The following RGL2 variants were observed in gnomAD, a reference collection of about 807,000 sequenced individuals.
The protein encoded by RGL2 is ral guanine nucleotide dissociation stimulator-like 2.
In RGL2, 40 loss-of-function variants were observed where a neutral mutation model predicts 84.6. That is an observed-to-expected ratio of 0.47 (90% CI 0.37 to 0.62). The LOEUF is 0.62. Ranked by LOEUF, RGL2 falls within the 20% of genes least tolerant of loss-of-function variation. The probability of loss-of-function intolerance (pLI) is 0.00; values close to 1 mark genes in which losing one functional copy is unlikely to be tolerated. For synonymous variants in RGL2, 369 were observed against 417.3 expected (o/e 0.88, Z 1.41); for missense variants, 865 against 1,019.7 (o/e 0.85, Z 2.07).
rs1240183784 is a variant in RGL2, at chr6:33,296,787, CAG to C, written c.241-13_241-12del. On this transcript the variant is annotated splice_polypyrimidine_tract_variant and intron_variant, in intron 3 of 17. Transcript: ENST00000497454. This position sits in a 1 kb window ranked among gnomAD's most constrained non-coding sequence, Gnocchi z 5.0. ...GGGAGGCATAGGGACCTGGAGAACA[CAG>C]AGAGATGATCGCTAACCCTTTCTCC... is the stretch of plus-strand genomic sequence containing the variant. The C allele has an allele frequency of 6.2e-7, 1 of 1,613,966 alleles. No individual in the cohort carries two copies. The highest frequency in any genetic ancestry group is 1.1e-5 in the South Asian group (1 of 91,086).
At position 33,298,509 on chromosome 6, in the gene RGL2, TG is replaced by T. The variant is rs1412024100; in HGVS notation, c.101del (p.Pro34GlnfsTer81). On this transcript the variant is annotated frameshift_variant, in exon 2 of 18. Transcript: ENST00000497454. LOFTEE classifies it high-confidence loss of function. The surrounding 1 kb of genome is among the most constrained non-coding windows in gnomAD (Gnocchi z 4.8). ...RSRDPEEGGGPGGLVVGGGQE... is the reference protein window; with the variant it reads ...RSRDPEEGGGXGGLVVGGGQE... ...GCCCCCCGCCCACGACCAGGCCACCTGGGCCCCCACCCTCTTCGGGGTCCCG... is the reference window on the plus strand; with the variant it reads ...GCCCCCCGCCCACGACCAGGCCACCTGGCCCCCACCCTCTTCGGGGTCCCG... 6.5e-7 allele frequency: 1 copy of T among 1,527,316 alleles called. No individual in the cohort carries two copies. Among genetic ancestry groups the T allele is most frequent in the Non-Finnish European group, 8.8e-7 (1 of 1,134,442 alleles). The allele number at this position is 1,527,316 out of a possible 1,614,324, so 94.6% of individuals were successfully genotyped here.
rs1173972560 is a variant in RGL2 at position 33,298,485 on chromosome 6, C to T, written c.126G>A (p.Gly42=). The change falls in exon 2 of 18, where the codon GGG becomes GGA. Residue 42 remains glycine (G), a synonymous_variant. Transcript: ENST00000497454. This position sits in a 1 kb window ranked among gnomAD's most constrained non-coding sequence, Gnocchi z 4.8. ...GGPGGLVVGG[G]QEEEEEEEEE... ...CTTCTTCCTCCTCCTCTTCCTCCTG[C>T]CCCCCGCCCACGACCAGGCCACCTG... 1 of 1,516,752 alleles carries T rather than the reference C, an allele frequency of 6.6e-7. No homozygotes were observed. Among genetic ancestry groups the T allele is most frequent in the South Asian group, 1.2e-5 (1 of 82,818 alleles). 94.0% of individuals were successfully genotyped at this position (1,516,752 alleles called of 1,614,324 possible).
At position 33,298,466 on chromosome 6, in the gene RGL2, C is replaced by T; in HGVS notation, c.145G>A (p.Glu49Lys). ...VGGGQEEEEE[E>K]EEEAPVSVWD... ...CACCCGCGTCTCACCTCTTCTTCTT[C>T]CTCCTCCTCTTCCTCCTGCCCCCCG... Residue 49 changes from glutamate (E) to lysine (K), a missense_variant, in exon 2 of 18, where the codon GAA becomes AAA. Physicochemically the swap from Glu to Lys is moderately conservative, Grantham distance 56 (BLOSUM62 1). Transcript: ENST00000497454. The surrounding 1 kb of genome is among the most constrained non-coding windows in gnomAD (Gnocchi z 4.8). 1.3e-6 allele frequency: 2 copies of T among 1,497,104 alleles called. No homozygotes were observed. The highest frequency in any genetic ancestry group is 4.0e-5 in the Admixed American group (2 of 49,626). 92.7% of individuals were successfully genotyped at this position (1,497,104 alleles called of 1,614,324 possible). A position where few individuals can be genotyped will look rare whatever the true frequency, so the allele number is the denominator to read the frequency against.
rs1044342247 is a variant in RGL2, at chr6:33,298,766, T to C, written c.-42+104A>G. The C allele has an allele frequency of 5.4e-5, 26 of 477,670 alleles. No homozygotes were observed. Among genetic ancestry groups the C allele is most frequent in the Non-Finnish European group, 8.0e-5 (22 of 275,764 alleles). The allele number at this position is 477,670 out of a possible 1,614,324, so 29.6% of individuals were successfully genotyped here. On this transcript the variant is annotated intron_variant, in intron 1 of 17. Coordinates refer to ENST00000497454, the MANE Select transcript of RGL2 (RefSeq NM_004761.5). The surrounding 1 kb of genome is among the most constrained non-coding windows in gnomAD (Gnocchi z 4.8). ...ACCGGAAGGGAGTTCTGCAGGAAGG[T>C]TGGGGGAGGGGGCAACAGAAGGGTG...
Position 33,296,084 on chromosome 6 carries a change from C to A in RGL2, c.712G>T (p.Asp238Tyr), listed in dbSNP as rs1345469691. The A allele has an allele frequency of 6.2e-7, 1 of 1,614,010 alleles. No homozygotes were observed. The highest frequency in any genetic ancestry group is 8.5e-7 in the Non-Finnish European group (1 of 1,180,004). ...TGGTCAGCGAGGAACACCAGGACAT[C>A]CGTGGGGTCAGCAGGGGGATCGCCG... ...LPGDPPADPT[D>Y]VLVFLADHLA... The change falls in exon 6 of 18, where the codon GAT (aspartate) becomes TAT (tyrosine). Residue 238 changes from aspartate (D) to tyrosine (Y), a missense_variant. Coordinates refer to ENST00000497454, the MANE Select transcript of RGL2 (RefSeq NM_004761.5). The surrounding 1 kb of genome is among the most constrained non-coding windows in gnomAD (Gnocchi z 5.0).
At position 33,296,593 on chromosome 6, in the gene RGL2, C is replaced by A; in HGVS notation, c.419+5G>T. 1 of 1,611,736 alleles carries A rather than the reference C, an allele frequency of 6.2e-7. No homozygotes were observed. Among genetic ancestry groups the A allele is most frequent in the Non-Finnish European group, 8.5e-7 (1 of 1,178,896 alleles). On this transcript the variant is annotated splice_donor_5th_base_variant and intron_variant, in intron 4 of 17. Coordinates refer to ENST00000497454, the MANE Select transcript of RGL2 (RefSeq NM_004761.5). The surrounding 1 kb of genome is among the most constrained non-coding windows in gnomAD (Gnocchi z 5.0). Reference sequence around the variant, plus strand: ...CCACTACCCTGCGTCCCTTATGACTCTGACCTGTCAGCCATAAGCCCTAGC... The same window carrying A: ...CCACTACCCTGCGTCCCTTATGACTATGACCTGTCAGCCATAAGCCCTAGC...
In RGL2 at chr6:33,296,115, G is replaced by A. The variant is rs1467286829; in HGVS notation, c.681C>T (p.Ala227=). 7 of 1,614,010 alleles carry A rather than the reference G, an allele frequency of 4.3e-6. No individual in the cohort carries two copies. The highest frequency in any genetic ancestry group is 5.9e-6 in the Non-Finnish European group (7 of 1,180,000). ...PQAPDLPKPL[A]LPGDPPADPT... is the part of the protein sequence containing the mutation. ...GGTCAGCAGGGGGATCGCCGGGGAG[G>A]GCCAGGGGCTTAGGAAGGTCGGGGG... Residue 227 remains alanine (A), a synonymous_variant, in exon 6 of 18, where the codon GCC becomes GCT. Transcript: ENST00000497454. This position sits in a 1 kb window ranked among gnomAD's most constrained non-coding sequence, Gnocchi z 5.0.
In RGL2 at chr6:33,291,917, G is replaced by A; in HGVS notation, c.*185C>T. On this transcript the variant is annotated 3_prime_UTR_variant, in exon 18 of 18. Coordinates refer to ENST00000497454, the MANE Select transcript of RGL2 (RefSeq NM_004761.5). ...ACACAGGTATCCAACTTGGTTATAA[G>A]ACACCAGTTCCCACAGGGCTGGATT... 3 of 646,784 alleles carry A rather than the reference G, an allele frequency of 4.6e-6. No homozygotes were observed. Among genetic ancestry groups the A allele is most frequent in the Non-Finnish European group, 8.1e-6 (3 of 371,580 alleles). 40.1% of individuals were successfully genotyped at this position (646,784 alleles called of 1,614,324 possible).
Position 33,294,939 on chromosome 6 carries a change from TCACCACCCCCACGCC to T in RGL2, c.1278+23_1278+37del. 3 of 1,548,722 alleles carry T rather than the reference TCACCACCCCCACGCC, an allele frequency of 1.9e-6. No homozygotes were observed. The highest frequency in any genetic ancestry group is 2.6e-6 in the Non-Finnish European group (3 of 1,145,650). On this transcript the variant is annotated intron_variant, in intron 10 of 17. Transcript: ENST00000497454. This position sits in a 1 kb window ranked among gnomAD's most constrained non-coding sequence, Gnocchi z 5.0. ...AAACATACTCCTCACCCCTTCATAATCACCACCCCCACGCCCACCACCCCGCTAGTCACTCACCCC... is the reference window on the plus strand; with the variant it reads ...AAACATACTCCTCACCCCTTCATAATCACCACCCCGCTAGTCACTCACCCC...
At position 33,297,152 on chromosome 6, in the gene RGL2, C is replaced by T. The variant is rs762410706; in HGVS notation, c.157-37G>A. ...AGGAAGGGGAAGTCAGACAGTTCCA[C>T]ACCACCCCCCATTGCCCTCAGCCTT... On this transcript the variant is annotated intron_variant, in intron 2 of 17. Transcript: ENST00000497454. This position sits in a 1 kb window ranked among gnomAD's most constrained non-coding sequence, Gnocchi z 4.0. The T allele has an allele frequency of 2.7e-6, 4 of 1,474,200 alleles. No individual in the cohort carries two copies. In the African/African-American group the frequency reaches 4.2e-5, roughly 16 times the overall value. 91.3% of individuals were successfully genotyped at this position (1,474,200 alleles called of 1,614,324 possible). A position where few individuals can be genotyped will look rare whatever the true frequency, so the allele number is the denominator to read the frequency against.
Position 33,298,533 on chromosome 6 carries a change from C to G in RGL2, c.78G>C (p.Arg26=). 7 of 1,503,756 alleles carry G rather than the reference C, an allele frequency of 4.7e-6. No homozygotes were observed. The highest frequency in any genetic ancestry group is 6.2e-6 in the Non-Finnish European group (7 of 1,128,128). The allele number at this position is 1,503,756 out of a possible 1,614,324, so 93.2% of individuals were successfully genotyped here. A position where few individuals can be genotyped will look rare whatever the true frequency, so the allele number is the denominator to read the frequency against. The change falls in exon 2 of 18, where the codon CGG becomes CGC. Residue 26 remains arginine, a synonymous_variant. Coordinates refer to ENST00000497454, the MANE Select transcript of RGL2 (RefSeq NM_004761.5). The surrounding 1 kb of genome is among the most constrained non-coding windows in gnomAD (Gnocchi z 4.8). ...CTGGGCCCCCACCCTCTTCGGGGTC[C>G]CGGCTTCGGAAGCTGCTCAGTACGA... ...GGVVLSSFRS[R]DPEEGGGPGG...
At position 33,294,964 on chromosome 6, in the gene RGL2, G is replaced by A. The variant is rs191918920; in HGVS notation, c.1278+13C>T. Reference sequence around the variant, plus strand: ...TCACCACCCCCACGCCCACCACCCCGCTAGTCACTCACCCCACCCCGGGAG... The same window carrying A: ...TCACCACCCCCACGCCCACCACCCCACTAGTCACTCACCCCACCCCGGGAG... On this transcript the variant is annotated intron_variant, in intron 10 of 17. Coordinates refer to ENST00000497454, the MANE Select transcript of RGL2 (RefSeq NM_004761.5). This position sits in a 1 kb window ranked among gnomAD's most constrained non-coding sequence, Gnocchi z 5.0. 719 of 1,486,008 alleles carry A rather than the reference G, an allele frequency of 4.8e-4. 9 individuals are homozygous for A. The East Asian group carries it at 0.012, about 25-fold the overall frequency. The allele number at this position is 1,486,008 out of a possible 1,614,324, so 92.1% of individuals were successfully genotyped here.
chr6:33,295,995 AG>A lies in RGL2; in HGVS notation c.768+32del. On this transcript the variant is annotated intron_variant, in intron 6 of 17. Transcript: ENST00000497454. This position sits in a 1 kb window ranked among gnomAD's most constrained non-coding sequence, Gnocchi z 7.2. ...GTCAAGGAGAGGTTAGTAAGGGGTC[AG>A]GGGGCATAGGGGCCAGAGGTCAGGG... 1 of 1,612,124 alleles carries A rather than the reference AG, an allele frequency of 6.2e-7. No individual in the cohort carries two copies.
chr6:33,293,551 C>G lies in RGL2; in HGVS notation c.1605-27G>C. The G allele has an allele frequency of 6.2e-7, 1 of 1,612,596 alleles. No individual in the cohort carries two copies. Among genetic ancestry groups the G allele is most frequent in the Non-Finnish European group, 8.5e-7 (1 of 1,179,174 alleles). On this transcript the variant is annotated intron_variant, in intron 14 of 17. Transcript: ENST00000497454. The surrounding 1 kb of genome is among the most constrained non-coding windows in gnomAD (Gnocchi z 7.0). ...TGCAGTGGCAGGAGATTGGGAGGAT[C>G]AGAGAAAAGTGGAAGTCCCAAGAAA...
chr6:33,294,655 A>G lies in RGL2; in HGVS notation c.1353+33T>C. On this transcript the variant is annotated intron_variant, in intron 11 of 17. Transcript: ENST00000497454. The surrounding 1 kb of genome is among the most constrained non-coding windows in gnomAD (Gnocchi z 5.0). Reference sequence around the variant, plus strand: ...TCCGACCCTGCAGCCCACTTGTTACATCATTGCAATGACACACACACACAC... The same window carrying G: ...TCCGACCCTGCAGCCCACTTGTTACGTCATTGCAATGACACACACACACAC... 6.2e-7 allele frequency: 1 copy of G among 1,612,294 alleles called. No individual in the cohort carries two copies. Among genetic ancestry groups the G allele is most frequent in the Non-Finnish European group, 8.5e-7 (1 of 1,178,876 alleles).
rs762515666 is a variant in RGL2, at chr6:33,297,002, A to T, written c.240+30T>A. 1.3e-6 allele frequency: 2 copies of T among 1,588,874 alleles called. No individual in the cohort carries two copies. Among genetic ancestry groups the T allele is most frequent in the Admixed American group, 3.5e-5 (2 of 57,720 alleles). ...GAAGGAAAACTGGGAATGAAGAGTC[A>T]GAGGTGAGAAGCTAAAGTCATGATC... On this transcript the variant is annotated intron_variant, in intron 3 of 17. Coordinates refer to ENST00000497454, the MANE Select transcript of RGL2 (RefSeq NM_004761.5). The surrounding 1 kb of genome is among the most constrained non-coding windows in gnomAD (Gnocchi z 4.0).
In RGL2 at chr6:33,298,392, C is replaced by A; in HGVS notation, c.156+63G>T. 1.1e-6 allele frequency: 1 copy of A among 901,432 alleles called. No individual in the cohort carries two copies. Among genetic ancestry groups the A allele is most frequent in the South Asian group, 1.7e-5 (1 of 58,498 alleles). The allele number at this position is 901,432 out of a possible 1,614,324, so 55.8% of individuals were successfully genotyped here. On this transcript the variant is annotated intron_variant, in intron 2 of 17. Transcript: ENST00000497454. This position sits in a 1 kb window ranked among gnomAD's most constrained non-coding sequence, Gnocchi z 4.8. The stretch of plus-strand genomic sequence containing the variant: ...AGGAGGAGATGTAGGGACCCAGAGA[C>A]AAGAGAAAAGTGGAGACTTCAGAAA...
In RGL2 at chr6:33,296,186, T is replaced by C. The variant is rs758443536; in HGVS notation, c.610A>G (p.Ser204Gly). ...YAAGKGVGGG[S>G]ADLIRNLRSR... The stretch of plus-strand genomic sequence containing the variant: ...CGGAGATTGCGGATGAGGTCAGCGC[T>C]GCCCCCCCCAACACCCTTCCCTGCT... The change falls in exon 6 of 18, where the codon AGC becomes GGC. Residue 204 changes from serine (S) to glycine (G), a missense_variant. Physicochemically the swap from Ser to Gly is moderately conservative, Grantham distance 56. Transcript: ENST00000497454. This position sits in a 1 kb window ranked among gnomAD's most constrained non-coding sequence, Gnocchi z 5.0. 5 of 1,613,816 alleles carry C rather than the reference T, an allele frequency of 3.1e-6. No individual in the cohort carries two copies. The highest frequency in any genetic ancestry group is 4.2e-6 in the Non-Finnish European group (5 of 1,179,892).
rs769749805 is a variant in RGL2, at chr6:33,292,463, A to G, written c.2089T>C (p.Tyr697His). The change falls in exon 17 of 18, where the codon TAT becomes CAT. Residue 697 changes from tyrosine to histidine, a missense_variant. Physicochemically the swap from Tyr to His is moderately conservative, Grantham distance 83 (BLOSUM62 2). Coordinates refer to ENST00000497454, the MANE Select transcript of RGL2 (RefSeq NM_004761.5). ...NNRDSAVASEYELVQLLPGER... is the reference protein window; with the variant it reads ...NNRDSAVASEHELVQLLPGER... ...CCTGGTAGCAGCTGTACCAGCTCAT[A>G]CTCTGAAGCCACTGCAGAGTCACGA... 3.1e-6 allele frequency: 5 copies of G among 1,613,974 alleles called. No homozygotes were observed. Among genetic ancestry groups the G allele is most frequent in the Non-Finnish European group, 4.2e-6 (5 of 1,180,004 alleles).
Sources: gnomAD v4.1 joint callset for allele counts on GRCh38, gnomAD v4.1.1 for gene constraint, Gnocchi (gnomAD v3.1) non-coding constraint, MANE v1.5 for transcripts, NCBI Gene and HGNC (gene_info 2026-07-23, HGNC 2026-07-21) for gene names.